The following FRMD3 variants were observed in gnomAD, a reference collection of about 807,000 sequenced individuals.
FRMD3 encodes FERM domain-containing protein 3.
FRMD3 carries 33 observed loss-of-function variants against 70.2 expected under a neutral mutation model. The observed-to-expected ratio is 0.47, with a 90% CI of 0.36 to 0.63. The LOEUF is 0.63. FRMD3 is among the 20% of genes least tolerant of loss of function. The probability of loss-of-function intolerance (pLI) is 0.00; values close to 1 mark genes in which losing one functional copy is unlikely to be tolerated. For synonymous variants in FRMD3, 279 were observed against 255.9 expected (o/e 1.09, Z -0.86); for missense variants, 632 against 711.4 (o/e 0.89, Z 1.27).
intron 6 of FRMD3, among the ~76,000 whole-genome samples, chr9:83,333,921 T>G (rs1394380720): frequency 6.6e-6 from 1 of 152,176 alleles, no homozygotes; most frequent in Non-Finnish European, 1.5e-5. Flanking sequence ...TTGGGAGAAC[T>G]GAGTGGGATA....
the FRMD3 span, among the ~76,000 whole-genome samples, chr9:83,583,630 A>G: frequency 1.3e-5 from 2 of 152,122 alleles, no homozygotes; most frequent in Admixed American, 1.3e-4. Context: ...AATTTTTGAG[A>G]CAGGGTCTCA....
chr9:83,392,720 C>G (rs1239849436), intron 1 of FRMD3, among the ~76,000 whole-genome samples: 1 of 152,066 alleles, frequency 6.6e-6, no homozygotes, highest in African/African-American at 2.4e-5. Flanking sequence ...ACAGAGAGCC[C>G]CGGGCGAGAC....
the FRMD3 span, among the ~76,000 whole-genome samples, chr9:83,558,272 G>GTGTGTGCGCGCGCGCACGCACATGTGCA: frequency 2.6e-5 from 4 of 152,006 alleles, no homozygotes; most frequent in African/African-American, 9.7e-5. Flanking sequence ...GTGTGTGTGT[G>GTGTGTGCGCGCGCGCACGCACATGTGCA]TGTGTGCGCG....
chr9:83,357,705 G>T (rs1291048792), intron 3 of FRMD3, among the ~76,000 whole-genome samples: 1 of 152,002 alleles, frequency 6.6e-6, no homozygotes, highest in Non-Finnish European at 1.5e-5. Flanking sequence ...CATGTTTGTT[G>T]CCCATTTGTA....
intron 3 of FRMD3, among the ~76,000 whole-genome samples, chr9:83,364,501 A>G (rs1824724836): frequency 6.6e-6 from 1 of 151,870 alleles, no homozygotes; most frequent in Admixed American, 6.6e-5. Context: ...GGTTGCAGTG[A>G]GCCAAGATCA....
At chr9:83,479,279 G>A (rs2375931) in intron 1 of FRMD3, among the ~76,000 whole-genome samples, 62,389 of 148,618 alleles carry the variant, frequency 0.42, 13,237 homozygotes, top group Middle Eastern at 0.46. Context: ...GTGAGACTGT[G>A]TCTCTAAAAG....
At chr9:83,421,289 C>T (rs1372301916) in intron 1 of FRMD3, among the ~76,000 whole-genome samples, 1 of 152,122 alleles carries the variant, frequency 6.6e-6, no homozygotes, top group Non-Finnish European at 1.5e-5. Flanking sequence ...TCCTTTATAG[C>T]AACAGGAACC....
At chr9:83,476,724 C>T (rs78976310) in intron 1 of FRMD3, among the ~76,000 whole-genome samples, 8,203 of 152,196 alleles carry the variant, frequency 0.054, 361 homozygotes, top group East Asian at 0.15. Flanking sequence ...GTTCCCACAG[C>T]CAGAGTGAGC....
Position 83,334,612 on chromosome 9 carries a change from A to G in FRMD3, c.596+904T>C, listed in dbSNP as rs538756230. Among the ~76,000 whole-genome samples, 6 of 144,878 alleles carry G rather than the reference A, an allele frequency of 4.1e-5. No individual in the cohort carries two copies. In the South Asian group the frequency reaches 1.3e-3, roughly 31 times the overall value. The stretch of plus-strand genomic sequence containing the variant: ...TGTCATAACACTGCCCATGCTTGCT[A>G]TTACCAAAATGATTTTTTTTTCTGT... On this transcript the variant is annotated intron_variant, in intron 6 of 13. Coordinates refer to ENST00000304195, the MANE Select transcript of FRMD3 (RefSeq NM_174938.6).
At chr9:83,342,687 ATAGAT>A (rs1158588298) in intron 5 of FRMD3, among the ~76,000 whole-genome samples, 1 of 138,790 alleles carries the variant, frequency 7.2e-6, no homozygotes, top group African/African-American at 2.7e-5. Context: ...GGATGGATGG[ATAGAT>A]TAGATAGATA....
the FRMD3 span, among the ~76,000 whole-genome samples, chr9:83,570,243 A>G: frequency 6.6e-6 from 1 of 152,226 alleles, no homozygotes; most frequent in Non-Finnish European, 1.5e-5. Flanking sequence ...GAAACAACTT[A>G]TAACCAGAAT....
rs1378653414 is a variant in FRMD3, at chr9:83,247,685, A to C, written c.*233T>G. Reference sequence around the variant, plus strand: ...GTCTACACTATAATAAAAAATAAACATATTTTTGGTTATTTAAAGACCATC... The same window carrying C: ...GTCTACACTATAATAAAAAATAAACCTATTTTTGGTTATTTAAAGACCATC... On this transcript the variant is annotated 3_prime_UTR_variant, in exon 14 of 14. Transcript: ENST00000304195. 7.8e-7 allele frequency: 1 copy of C among 1,282,030 alleles called. No homozygotes were observed. Among genetic ancestry groups the C allele is most frequent in the Non-Finnish European group, 1.0e-6 (1 of 994,612 alleles). 79.4% of individuals were successfully genotyped at this position (1,282,030 alleles called of 1,614,324 possible).
intron 4 of FRMD3, among the ~76,000 whole-genome samples, chr9:83,344,817 A>ATGCGTGAGTGTG (rs1823896480): frequency 4.4e-5 from 4 of 91,892 alleles, no homozygotes; most frequent in Non-Finnish European, 8.5e-5. Context: ...GCATGCGTGC[A>ATGCGTGAGTGTG]TGTGTGAGTG....
intron 3 of FRMD3, among the ~76,000 whole-genome samples, chr9:83,368,181 A>G (rs1218106445): frequency 6.6e-6 from 1 of 152,308 alleles, no homozygotes; most frequent in South Asian, 2.1e-4. Context: ...GGCACAGCAC[A>G]GGCAGGTTTT....
intron 1 of FRMD3, among the ~76,000 whole-genome samples, chr9:83,391,392 C>T (rs1261401902): frequency 6.6e-6 from 1 of 152,156 alleles, no homozygotes; most frequent in Non-Finnish European, 1.5e-5. Context: ...TAAAAGGTTG[C>T]AGCATTATCC....
intron 6 of FRMD3, among the ~76,000 whole-genome samples, chr9:83,328,312 A>T (rs888653519): frequency 3.3e-5 from 5 of 152,196 alleles, no homozygotes; most frequent in African/African-American, 1.2e-4. Context: ...GCCACACAGA[A>T]GTCAGGGAGC....
At chr9:83,555,651 C>T in the FRMD3 span, among the ~76,000 whole-genome samples, 2 of 152,220 alleles carry the variant, frequency 1.3e-5, no homozygotes, top group African/African-American at 2.4e-5. Context: ...TACTGCTCAG[C>T]CCCCTGGATT....
intron 1 of FRMD3, among the ~76,000 whole-genome samples, chr9:83,406,340 A>G (rs1028954152): frequency 6.6e-6 from 1 of 152,208 alleles, no homozygotes; most frequent in African/African-American, 2.4e-5. Flanking sequence ...GTCAAAGGCT[A>G]CTAGAGCCAA....
At chr9:83,301,472 T>C (rs1191061621) in intron 10 of FRMD3, among the ~76,000 whole-genome samples, 1 of 151,600 alleles carries the variant, frequency 6.6e-6, no homozygotes, top group Non-Finnish European at 1.5e-5. Flanking sequence ...ATTGTGTATG[T>C]GTTTTTTTTT....
Sources: allele counts gnomAD v4.1 joint callset (sites outside exome capture counted in the v4.1 genomes callset), GRCh38; gene constraint gnomAD v4.1.1; transcripts MANE v1.5; gene names NCBI Gene and HGNC (gene_info 2026-07-23, HGNC 2026-07-21).